The following ASIC2 variants were observed in gnomAD, a reference collection of about 807,000 sequenced individuals.
The protein encoded by ASIC2 is acid-sensing ion channel 2.
A neutral mutation model predicts 57.3 loss-of-function variants in ASIC2; 25 were observed. That is an observed-to-expected ratio of 0.44 (90% CI 0.32 to 0.61). The LOEUF (loss-of-function observed/expected upper bound fraction) is 0.61, where lower values mean the gene tolerates loss of function less well. ASIC2 is among the 20% of genes least tolerant of loss of function. ASIC2 has a pLI of 0.06. For synonymous variants in ASIC2, 319 were observed against 307.5 expected, an observed-to-expected ratio of 1.04 and a Z score of -0.39; for missense variants, 641 against 738.1, an observed-to-expected ratio of 0.87 and a Z score of 1.52.
At chr17:33,639,611 C>T (rs901275188) in intron 1 of ASIC2, among the ~76,000 whole-genome samples, 2 of 152,078 alleles carry the variant, frequency 1.3e-5, no homozygotes, top group African/African-American at 4.8e-5. Flanking sequence ...TCCTGTGACA[C>T]AGGAAGTACA....
Position 33,060,586 on chromosome 17 carries a change from G to GGGTAGTATAGTTTGCAGTTT in ASIC2, c.987+28276_987+28277insAAACTGCAAACTATACTACC, listed in dbSNP as rs2092016853. Among the ~76,000 whole-genome samples the GGGTAGTATAGTTTGCAGTTT allele has an allele frequency of 5.3e-5, 8 of 152,062 alleles. No homozygotes were observed. In the South Asian group the frequency reaches 1.7e-3, roughly 32 times the overall value. ...TAGCCTTGTAGTATAGTTTGCAGTT[G>GGGTAGTATAGTTTGCAGTTT]GGTAGCATGATGCCTTCAGCTTTGT... is the stretch of plus-strand genomic sequence containing the variant. On this transcript the variant is annotated intron_variant, in intron 3 of 9. Transcript: ENST00000225823.
chr17:33,090,854 TA>T (rs2092154913), intron 2 of ASIC2, among the ~76,000 whole-genome samples: 1 of 152,018 alleles, frequency 6.6e-6, no homozygotes. Context: ...CAGGGAAGGG[TA>T]GGCAGGGCTT....
chr17:33,996,102 A>T (rs1488328234), intron 1 of ASIC2, among the ~76,000 whole-genome samples: 1 of 152,118 alleles, frequency 6.6e-6, no homozygotes, highest in African/African-American at 2.4e-5. Context: ...ATGATTAGTG[A>T]TGTTGAACAT....
At chr17:33,242,813 A>G (rs1203140520) in intron 1 of ASIC2, among the ~76,000 whole-genome samples, 1 of 152,068 alleles carries the variant, frequency 6.6e-6, no homozygotes, top group Non-Finnish European at 1.5e-5. Flanking sequence ...GGTTCTTTCC[A>G]GGGCACTTTG....
chr17:33,847,606 G>C (rs184148020), intron 1 of ASIC2, among the ~76,000 whole-genome samples: 62 of 152,282 alleles, frequency 4.1e-4, no homozygotes, highest in Non-Finnish European at 6.9e-4. Flanking sequence ...GCTTGCAATA[G>C]TATATGGGAC....
chr17:33,974,364 T>C (rs11871675), intron 1 of ASIC2, among the ~76,000 whole-genome samples: 5,688 of 152,256 alleles, frequency 0.037, 354 homozygotes, highest in African/African-American at 0.13. Context: ...GCCATTGTGC[T>C]TATGTGTGTG....
intron 1 of ASIC2, among the ~76,000 whole-genome samples, chr17:33,500,081 G>A (rs996048888): frequency 6.6e-6 from 1 of 152,166 alleles, no homozygotes; most frequent in African/African-American, 2.4e-5. Flanking sequence ...ATTTCCTAGA[G>A]GGAGGCTGAG....
At chr17:33,423,917 G>A (rs1488045663) in intron 1 of ASIC2, among the ~76,000 whole-genome samples, 4 of 152,222 alleles carry the variant, frequency 2.6e-5, no homozygotes, top group Non-Finnish European at 5.9e-5. Flanking sequence ...TGTACCAGTT[G>A]CTGTGTGGCT....
In ASIC2 at chr17:33,786,116, G is replaced by GC. The variant is rs112847329; in HGVS notation, c.555+369861dup. 4.6e-4 allele frequency among the ~76,000 whole-genome samples: 70 copies of GC among 151,600 alleles called. 2 individuals are homozygous for GC. Among genetic ancestry groups the GC allele is most frequent in the African/African-American group, 1.4e-3 (56 of 41,288 alleles). On this transcript the variant is annotated intron_variant, in intron 1 of 9. Transcript: ENST00000359872. ...CAAGCCTTTCAGCTTTCTCATCTGT[G>GC]CCCCCCCCTTGATCATGTTGGCATA... is the stretch of plus-strand genomic sequence containing the variant.
chr17:33,731,986 G>C (rs1909757297), intron 1 of ASIC2, among the ~76,000 whole-genome samples: 1 of 152,154 alleles, frequency 6.6e-6, no homozygotes, highest in Non-Finnish European at 1.5e-5. Context: ...AAAAAATGAT[G>C]ATTCATAAAA....
chr17:33,830,711 C>T (rs2141900235), intron 1 of ASIC2, among the ~76,000 whole-genome samples: 1 of 152,128 alleles, frequency 6.6e-6, no homozygotes, highest in East Asian at 1.9e-4. Context: ...CTCTCCCTCC[C>T]CTTGCCCCCT....
chr17:33,597,498 C>T (rs1905016636), intron 1 of ASIC2, among the ~76,000 whole-genome samples: 1 of 151,886 alleles, frequency 6.6e-6, no homozygotes, highest in Non-Finnish European at 1.5e-5. Context: ...AAATGGGCCT[C>T]TCACTTCTAT....
At chr17:33,505,765 C>T (rs987037500) in intron 1 of ASIC2, among the ~76,000 whole-genome samples, 10 of 152,230 alleles carry the variant, frequency 6.6e-5, no homozygotes, top group Non-Finnish European at 1.3e-4. Flanking sequence ...TGCACTTTCT[C>T]ATCTGTGAAC....
At chr17:33,110,095 C>T (rs1416485066) in intron 2 of ASIC2, among the ~76,000 whole-genome samples, 3 of 152,004 alleles carry the variant, frequency 2.0e-5, no homozygotes, top group African/African-American at 7.3e-5. Context: ...GCTCCTGAAT[C>T]AAGATAACAG....
intron 1 of ASIC2, among the ~76,000 whole-genome samples, chr17:33,791,027 T>A (rs1911754124): frequency 2.0e-5 from 3 of 152,168 alleles, no homozygotes; most frequent in Admixed American, 1.3e-4. Context: ...CTCCCTGGCC[T>A]GTGCCCTGGA....
At chr17:34,060,456 A>G (rs1908931094) in intron 1 of ASIC2, among the ~76,000 whole-genome samples, 1 of 152,194 alleles carries the variant, frequency 6.6e-6, no homozygotes, top group South Asian at 2.1e-4. Flanking sequence ...CTCCCAAAAA[A>G]TCACACTAGT....
chr17:33,016,975 AC>A (rs60761885), intron 8 of ASIC2, among the ~76,000 whole-genome samples: 26 of 151,806 alleles, frequency 1.7e-4, no homozygotes, highest in Admixed American at 3.9e-4. Context: ...GAGAAGGCTG[AC>A]CCCAGCTCTG....
At chr17:33,889,466 C>T (rs566697016) in intron 1 of ASIC2, among the ~76,000 whole-genome samples, 1 of 152,108 alleles carries the variant, frequency 6.6e-6, no homozygotes. Flanking sequence ...TTAAGATTTG[C>T]CATCATTATT....
At chr17:33,791,609 T>C (rs1911774157) in intron 1 of ASIC2, among the ~76,000 whole-genome samples, 1 of 152,110 alleles carries the variant, frequency 6.6e-6, no homozygotes, top group South Asian at 2.1e-4. Flanking sequence ...TATAACAACA[T>C]AGTTACTGCA....
Sources: allele counts gnomAD v4.1 joint callset (sites outside exome capture counted in the v4.1 genomes callset), GRCh38; gene constraint gnomAD v4.1.1; transcripts MANE v1.5; gene names NCBI Gene and HGNC (gene_info 2026-07-23, HGNC 2026-07-21).